The following ASCC1 variants were observed in gnomAD, a reference collection of about 807,000 sequenced individuals.
ASCC1 encodes the protein ASC-1 complex subunit P50.
In ASCC1, 35 loss-of-function variants were observed where a neutral mutation model predicts 46.6. The observed-to-expected ratio is 0.75, with a 90% CI of 0.57 to 0.99. The LOEUF is 0.99. ASCC1 is among the 50% of genes least tolerant of loss of function. The pLI is 0.00. For synonymous variants in ASCC1, 143 were observed against 146.6 expected (o/e 0.98, Z 0.18); for missense variants, 376 against 428.7 (o/e 0.88, Z 1.09).
At chr10:72,201,325 C>G (rs1266909989) in intron 4 of ASCC1, among the ~76,000 whole-genome samples, 1 of 152,114 alleles carries the variant, frequency 6.6e-6, no homozygotes, top group African/African-American at 2.4e-5. Flanking sequence ...GGTGATTATT[C>G]TCACATAACA....
chr10:72,099,040 A>G (rs1303222053), intron 9 of ASCC1, among the ~76,000 whole-genome samples: 1 of 152,262 alleles, frequency 6.6e-6, no homozygotes. Flanking sequence ...TAACCAAAGA[A>G]GCAATAAAAG....
At chr10:72,175,938 C>A (rs1851806461) in intron 5 of ASCC1, among the ~76,000 whole-genome samples, 1 of 152,190 alleles carries the variant, frequency 6.6e-6, no homozygotes, top group Admixed American at 6.5e-5. Flanking sequence ...GCCACTCCTT[C>A]CTTCCCCTCC....
intron 4 of ASCC1, among the ~76,000 whole-genome samples, chr10:72,201,676 G>C (rs1273742479): frequency 6.6e-6 from 1 of 151,976 alleles, no homozygotes. Context: ...ACATGCTCTT[G>C]CCTGTAACCC....
rs1849681084 is a variant in ASCC1 at position 72,161,431 on chromosome 10, G to C, written c.626+107C>G. 2.8e-6 allele frequency: 4 copies of C among 1,429,646 alleles called. No homozygotes were observed. The Admixed American group carries it at 6.7e-5, about 24-fold the overall frequency. The allele number at this position is 1,429,646 out of a possible 1,614,324, so 88.6% of individuals were successfully genotyped here. Reference sequence around the variant, plus strand: ...CTGAGTGGGCTCCATCAAATCACATGAGTCCTTCCCATGTTATACACCCTC... The same window carrying C: ...CTGAGTGGGCTCCATCAAATCACATCAGTCCTTCCCATGTTATACACCCTC... On this transcript the variant is annotated intron_variant, in intron 6 of 9. Coordinates refer to ENST00000672957, the MANE Select transcript of ASCC1 (RefSeq NM_001198800.3).
intron 7 of ASCC1, among the ~76,000 whole-genome samples, chr10:72,143,381 G>A (rs1425865696): frequency 6.6e-6 from 1 of 151,618 alleles, no homozygotes. Context: ...TGTTGTTGTT[G>A]TTGTTAAGAG....
intron 5 of ASCC1, among the ~76,000 whole-genome samples, chr10:72,168,962 C>G (rs1850716253): frequency 6.6e-6 from 1 of 152,172 alleles, no homozygotes; most frequent in Non-Finnish European, 1.5e-5. Context: ...GATTAATATA[C>G]CCAACAATCC....
intron 5 of ASCC1, among the ~76,000 whole-genome samples, chr10:72,162,447 A>C (rs1849812229): frequency 1.3e-5 from 2 of 151,568 alleles, no homozygotes; most frequent in African/African-American, 4.8e-5. Context: ...TTGGGATTAC[A>C]AGAGTGAGCC....
intron 9 of ASCC1, among the ~76,000 whole-genome samples, chr10:72,125,203 C>T (rs1844713526): frequency 6.6e-6 from 1 of 152,120 alleles, no homozygotes; most frequent in East Asian, 1.9e-4. Flanking sequence ...TGAGCAATGA[C>T]TTTCTTTCTT....
At chr10:72,195,149 T>TG (rs1389994133) in intron 5 of ASCC1, among the ~76,000 whole-genome samples, 1 of 136,584 alleles carries the variant, frequency 7.3e-6, no homozygotes, top group East Asian at 2.0e-4. Context: ...GTTTTTTTTT[T>TG]TTTTTTTTTT....
chr10:72,149,948 G>A (rs1446171613), intron 7 of ASCC1, among the ~76,000 whole-genome samples: 1 of 152,160 alleles, frequency 6.6e-6, no homozygotes, highest in Non-Finnish European at 1.5e-5. Flanking sequence ...CACTTTGGGA[G>A]GCCGAGGCAG....
intron 8 of ASCC1, among the ~76,000 whole-genome samples, chr10:72,129,141 G>T (rs57252227): frequency 1.3e-5 from 2 of 152,148 alleles, no homozygotes; most frequent in African/African-American, 4.8e-5. Flanking sequence ...TTGCACATGG[G>T]TAACTATGGA....
At chr10:72,140,411 A>T (rs900328033) in intron 7 of ASCC1, among the ~76,000 whole-genome samples, 4 of 152,176 alleles carry the variant, frequency 2.6e-5, no homozygotes, top group Non-Finnish European at 5.9e-5. Context: ...TGAATGCTAG[A>T]CTGAGGATTA....
At chr10:72,109,121 T>A (rs951046801) in intron 9 of ASCC1, among the ~76,000 whole-genome samples, 1 of 152,052 alleles carries the variant, frequency 6.6e-6, no homozygotes, top group Non-Finnish European at 1.5e-5. Flanking sequence ...TAATAGCCAA[T>A]AAAAGAGAGG....
chr10:72,187,849 A>G (rs1176191599), intron 5 of ASCC1, among the ~76,000 whole-genome samples: 1 of 151,380 alleles, frequency 6.6e-6, no homozygotes, highest in East Asian at 1.9e-4. Flanking sequence ...GCTACTCGAG[A>G]GGCTAAGGCA....
At chr10:72,133,698 A>C in intron 7 of ASCC1, 1 of 174,724 alleles carries the variant, frequency 5.7e-6, no homozygotes, top group Non-Finnish European at 1.2e-5. Context: ...GAAGCCACAG[A>C]AAGACTTTCA....
At chr10:72,186,949 GAAAA>G (rs58308871) in intron 5 of ASCC1, among the ~76,000 whole-genome samples, 29 of 101,168 alleles carry the variant, frequency 2.9e-4, no homozygotes, top group African/African-American at 7.3e-4. Flanking sequence ...CACATGCCCA[GAAAA>G]AAAAAAAAAA....
At chr10:72,204,115 G>A (rs1395765655) in intron 3 of ASCC1, among the ~76,000 whole-genome samples, 3 of 152,200 alleles carry the variant, frequency 2.0e-5, no homozygotes, top group Non-Finnish European at 4.4e-5. Context: ...GGGTGTGACA[G>A]CAGGGTGCCT....
At chr10:72,135,345 T>C (rs1272469056) in intron 7 of ASCC1, among the ~76,000 whole-genome samples, 1 of 150,946 alleles carries the variant, frequency 6.6e-6, no homozygotes, top group Non-Finnish European at 1.5e-5. Context: ...GGGAGTAGAG[T>C]GTGAATGGGG....
At chr10:72,135,064 T>G (rs1236451108) in intron 7 of ASCC1, among the ~76,000 whole-genome samples, 1 of 152,188 alleles carries the variant, frequency 6.6e-6, no homozygotes, top group Non-Finnish European at 1.5e-5. Context: ...CAGAGTTGAG[T>G]GAGGGCTGTG....
Sources: allele counts gnomAD v4.1 joint callset (sites outside exome capture counted in the v4.1 genomes callset), GRCh38; gene constraint gnomAD v4.1.1; transcripts MANE v1.5; gene names NCBI Gene and HGNC (gene_info 2026-07-23, HGNC 2026-07-21).